Variants in SLA observed in about 807,000 individuals in gnomAD.
SLA encodes the protein src-like-adapter.
SLA carries 16 observed loss-of-function variants against 30.3 expected under a neutral mutation model. The ratio of observed to expected loss-of-function variants is 0.53; its 90% CI spans 0.36 to 0.80. The LOEUF is 0.80. SLA is among the 30% of genes least tolerant of loss of function. The pLI is 0.01. For missense variants in SLA, 310 were observed against 345.2 expected (o/e 0.90, Z 0.81); for synonymous variants, 143 against 137.8 (o/e 1.04, Z -0.26).
chr8:133,042,869 T>C (rs1838575703), intron 7 of SLA, among the ~76,000 whole-genome samples: 1 of 151,748 alleles, frequency 6.6e-6, no homozygotes, highest in Admixed American at 6.6e-5. Flanking sequence ...AAATTTTGTA[T>C]TTTTAGTGCA....
chr8:133,061,412 G>A (rs769103105), intron 2 of SLA, among the ~76,000 whole-genome samples: 6 of 152,108 alleles, frequency 3.9e-5, no homozygotes, highest in Non-Finnish European at 5.9e-5. Context: ...CACTTTGAAC[G>A]TGGCGTGGCA....
rs889031428 is a variant in SLA at position 133,075,031 on chromosome 8, C to T, written c.-219G>A. ...GAAGAACTGCAGTTGCTAAACTGGC[C>T]GCATACTTCCTCTGCTAGGAACGAG... On this transcript the variant is annotated 5_prime_UTR_variant, in exon 2 of 9. Transcript: ENST00000338087. The T allele has an allele frequency of 2.5e-5, 25 of 985,338 alleles. No individual in the cohort carries two copies. Among genetic ancestry groups the T allele is most frequent in the South Asian group, 1.9e-4 (4 of 21,294 alleles). 61.0% of individuals were successfully genotyped at this position (985,338 alleles called of 1,614,324 possible).
At chr8:133,082,173 A>G (rs1182801484) in intron 1 of SLA, among the ~76,000 whole-genome samples, 1 of 152,168 alleles carries the variant, frequency 6.6e-6, no homozygotes, top group East Asian at 1.9e-4. Context: ...GGCCGCATGA[A>G]GGGAATTTTT....
At chr8:133,054,055 G>A (rs1182341275) in intron 3 of SLA, among the ~76,000 whole-genome samples, 5 of 152,138 alleles carry the variant, frequency 3.3e-5, no homozygotes, top group African/African-American at 1.2e-4. Context: ...GCAAGGCCTG[G>A]TGCCAGGATC....
At chr8:133,045,691 G>T (rs553952605) in intron 6 of SLA, among the ~76,000 whole-genome samples, 1 of 152,216 alleles carries the variant, frequency 6.6e-6, no homozygotes, top group African/African-American at 2.4e-5. Context: ...TACCATGCCG[G>T]GCCTCATCCT....
intron 2 of SLA, among the ~76,000 whole-genome samples, chr8:133,072,085 G>A (rs936157069): frequency 1.3e-5 from 2 of 152,070 alleles, no homozygotes; most frequent in African/African-American, 4.8e-5. Flanking sequence ...CACTTTCTTC[G>A]GAAGCTCTTT....
At chr8:133,096,574 C>T (rs910779299) in intron 1 of SLA, among the ~76,000 whole-genome samples, 2 of 152,182 alleles carry the variant, frequency 1.3e-5, no homozygotes, top group Admixed American at 1.3e-4. Context: ...GGCACATCCA[C>T]AAATTACAGC....
intron 3 of SLA, among the ~76,000 whole-genome samples, chr8:133,051,618 C>G (rs1027346692): frequency 1.3e-5 from 2 of 152,090 alleles, no homozygotes; most frequent in African/African-American, 4.8e-5. Context: ...GAAAGGAATT[C>G]TGGTGAAGTT....
In SLA at chr8:133,095,064, G is replaced by A. The variant is rs149678808; in HGVS notation, c.-319+7489C>T. The A allele has an allele frequency of 7.0e-5, 113 of 1,613,804 alleles. No homozygotes were observed. Among genetic ancestry groups the A allele is most frequent in the East Asian group, 1.6e-4 (7 of 44,862 alleles). ...TCCAGGGAGGCTCCGCACTCTCCCC[G>A]GCCGCCGTCATCAGCCATGAGAGGG... On this transcript the variant is annotated intron_variant, in intron 1 of 8. Transcript: ENST00000338087.
At chr8:133,071,557 C>G (rs2739149) in intron 2 of SLA, among the ~76,000 whole-genome samples, 59,045 of 151,864 alleles carry the variant, frequency 0.39, 11,972 homozygotes, top group Non-Finnish European at 0.46. Context: ...GGTGGGTCCA[C>G]ACACTCTGGT....
chr8:133,061,106 G>A (rs1842310951), intron 2 of SLA, among the ~76,000 whole-genome samples: 1 of 152,226 alleles, frequency 6.6e-6, no homozygotes. Context: ...TGCCTCCCGG[G>A]TTCAAGCGAT....
intron 1 of SLA, among the ~76,000 whole-genome samples, chr8:133,097,647 A>G (rs956315757): frequency 6.6e-6 from 1 of 152,238 alleles, no homozygotes; most frequent in African/African-American, 2.4e-5. Context: ...GTATATTTGT[A>G]TGTTTTTCTG....
intron 3 of SLA, among the ~76,000 whole-genome samples, chr8:133,059,841 G>T (rs1842106052): frequency 6.6e-6 from 1 of 152,202 alleles, no homozygotes. Context: ...AAAATAAAGT[G>T]ATTAAACCAG....
intron 1 of SLA, among the ~76,000 whole-genome samples, chr8:133,086,874 T>C (rs1588048893): frequency 6.6e-6 from 1 of 152,334 alleles, no homozygotes; most frequent in Admixed American, 6.5e-5. Context: ...TCATATTTCA[T>C]TGCCTGCAGG....
intron 1 of SLA, among the ~76,000 whole-genome samples, chr8:133,079,417 T>C (rs1845409676): frequency 6.6e-6 from 1 of 152,224 alleles, no homozygotes; most frequent in South Asian, 2.1e-4. Flanking sequence ...TGTTCCCCTA[T>C]GTAAAAACTA....
At chr8:133,045,387 C>CTTTTTTTT (rs5895172) in intron 6 of SLA, among the ~76,000 whole-genome samples, 67 of 65,900 alleles carry the variant, frequency 1.0e-3, no homozygotes, top group African/African-American at 1.6e-3. Context: ...ATCCTCTTTG[C>CTTTTTTTT]TTTTTTTTTT....
chr8:133,062,714 C>G (rs573398200), intron 2 of SLA, among the ~76,000 whole-genome samples: 1 of 152,130 alleles, frequency 6.6e-6, no homozygotes, highest in Non-Finnish European at 1.5e-5. Context: ...CACAGGGTGT[C>G]GTACACAGGC....
At chr8:133,067,318 C>T (rs1843179049) in intron 2 of SLA, among the ~76,000 whole-genome samples, 1 of 152,126 alleles carries the variant, frequency 6.6e-6, no homozygotes, top group Admixed American at 6.5e-5. Flanking sequence ...ATCTGCTTCT[C>T]CTTTCTCTAC....
chr8:133,075,766 A>C (rs1438314575), intron 1 of SLA, among the ~76,000 whole-genome samples: 1 of 152,084 alleles, frequency 6.6e-6, no homozygotes, highest in Non-Finnish European at 1.5e-5. Context: ...CACCAACCTA[A>C]TACATCTACA....
Sources: gnomAD v4.1 joint callset for allele counts (sites outside exome capture counted in the v4.1 genomes callset) on GRCh38, gnomAD v4.1.1 for gene constraint, MANE v1.5 for transcripts, NCBI Gene and HGNC (gene_info 2026-07-23, HGNC 2026-07-21) for gene names.